Variants in TOP1MT observed in about 807,000 individuals in gnomAD.
TOP1MT encodes DNA topoisomerase I, mitochondrial.
A neutral mutation model predicts 73.9 loss-of-function variants in TOP1MT; 80 were observed. That is an observed-to-expected ratio of 1.08 (90% CI 0.90 to 1.30). TOP1MT has a LOEUF of 1.30. Among genes scored for constraint, TOP1MT ranks in the 50% most tolerant of loss-of-function variants. The probability of loss-of-function intolerance (pLI) is 0.00; values close to 1 mark genes in which losing one functional copy is unlikely to be tolerated. For synonymous variants in TOP1MT, 338 were observed against 326.4 expected (o/e 1.04, Z -0.38); for missense variants, 815 against 808.0 (o/e 1.01, Z -0.10).
In TOP1MT at chr8:143,331,214, G is replaced by T; in HGVS notation, c.238+10C>A. 6.3e-7 allele frequency: 1 copy of T among 1,590,622 alleles called. No homozygotes were observed. The highest frequency in any genetic ancestry group is 8.6e-7 in the Non-Finnish European group (1 of 1,162,450). On this transcript the variant is annotated intron_variant, in intron 2 of 13. Transcript: ENST00000329245. Reference sequence around the variant, plus strand: ...GCAGGCTGGGGAGGAGCCGCTCCCTGCATCCTTACCTTCATAGAAGAAACG... The same window carrying T: ...GCAGGCTGGGGAGGAGCCGCTCCCTTCATCCTTACCTTCATAGAAGAAACG...
At chr8:143,335,248 G>A (rs143185763), upstream of TOP1MT, among the ~76,000 whole-genome samples, 1 of 152,302 alleles carries the variant, frequency 6.6e-6, no homozygotes, top group Non-Finnish European at 1.5e-5. Flanking sequence ...GCACCTAGCA[G>A]GTCCTTCCTA....
chr8:143,346,107 C>T (rs1817217327), upstream of TOP1MT, among the ~76,000 whole-genome samples: 1 of 152,100 alleles, frequency 6.6e-6, no homozygotes, highest in African/African-American at 2.4e-5. Context: ...AAGTTCACTT[C>T]TCACAAAGTG....
intron 12 of TOP1MT, among the ~76,000 whole-genome samples, chr8:143,311,638 C>A (rs1816017100): frequency 1.3e-5 from 2 of 151,960 alleles, no homozygotes; most frequent in South Asian, 2.1e-4. Flanking sequence ...CCCAGCTACT[C>A]AGGAGGCTGA....
upstream of TOP1MT, among the ~76,000 whole-genome samples, chr8:143,357,227 T>C (rs1167585978): frequency 1.3e-5 from 2 of 150,770 alleles, no homozygotes; most frequent in African/African-American, 4.9e-5. Context: ...CATAGGGAGA[T>C]AGGGAGATCC....
chr8:143,336,348 A>G (rs539956678), upstream of TOP1MT, among the ~76,000 whole-genome samples: 14 of 152,252 alleles, frequency 9.2e-5, no homozygotes, highest in African/African-American at 3.1e-4. Context: ...AGATTTCTCA[A>G]TAGATGCAGA....
At chr8:143,313,507 G>A (rs1487044957) in intron 12 of TOP1MT, among the ~76,000 whole-genome samples, 8 of 139,038 alleles carry the variant, frequency 5.8e-5, no homozygotes, top group Non-Finnish European at 1.2e-4. Flanking sequence ...CCAAGATCAC[G>A]CCACTGCACT....
At chr8:143,345,843 C>G (rs539005833), upstream of TOP1MT, among the ~76,000 whole-genome samples, 4 of 152,324 alleles carry the variant, frequency 2.6e-5, no homozygotes, top group South Asian at 8.3e-4. Context: ...TCAAACAAAC[C>G]GTTATCTAAC....
upstream of TOP1MT, among the ~76,000 whole-genome samples, chr8:143,335,970 C>T (rs1399746034): frequency 6.6e-6 from 1 of 152,180 alleles, no homozygotes; most frequent in Non-Finnish European, 1.5e-5. Flanking sequence ...GCTGAAGGTA[C>T]ACACACACCA....
At chr8:143,326,150 A>G in intron 4 of TOP1MT, 72 bp downstream of exon 4, 1 of 1,572,104 alleles carries the variant, frequency 6.4e-7, no homozygotes, top group South Asian at 1.1e-5. Flanking sequence ...GGCCTTTCTC[A>G]GTCTTTGGGC....
upstream of TOP1MT, among the ~76,000 whole-genome samples, chr8:143,349,309 C>T (rs1208708826): frequency 2.1e-5 from 3 of 139,596 alleles, no homozygotes; most frequent in Admixed American, 1.4e-4. Context: ...GCCCCCCTCC[C>T]ACCCCCCTGC....
chr8:143,324,202 G>T, intron 6 of TOP1MT, 60 bp from the exon 7 acceptor site: 1 of 1,592,894 alleles, frequency 6.3e-7, no homozygotes. Flanking sequence ...AACGGAGGAG[G>T]CTGTCAACTC....
chr8:143,349,852 G>T (rs2450748), upstream of TOP1MT, among the ~76,000 whole-genome samples: 4,133 of 152,208 alleles, frequency 0.027, 214 homozygotes, highest in African/African-American at 0.094. Flanking sequence ...TGTTGGCCAG[G>T]CTGGTCTCGA....
upstream of TOP1MT, chr8:143,359,432 A>T (rs920903279): frequency 4.1e-6 from 4 of 985,152 alleles, no homozygotes; most frequent in Non-Finnish European, 3.6e-6. Context: ...GCGGAATCCC[A>T]TCAGCGACGG....
At chr8:143,314,117 G>A (rs927445142) in intron 12 of TOP1MT, among the ~76,000 whole-genome samples, 5 of 152,038 alleles carry the variant, frequency 3.3e-5, no homozygotes, top group South Asian at 2.1e-4. Context: ...CAGAGGAATC[G>A]GAGCCCTCAC....
chr8:143,346,493 A>AG (rs1289200385), upstream of TOP1MT, among the ~76,000 whole-genome samples: 1 of 152,196 alleles, frequency 6.6e-6, no homozygotes, highest in South Asian at 2.1e-4. Flanking sequence ...AGAATAAGAA[A>AG]GGGGGCTGTG....
intron 1 of TOP1MT, among the ~76,000 whole-genome samples, chr8:143,333,106 G>A (rs897713414): frequency 6.6e-5 from 10 of 152,036 alleles, no homozygotes; most frequent in African/African-American, 2.4e-4. Context: ...AAGGGAAGAT[G>A]GATCATGTCG....
chr8:143,343,147 T>C, intron 2 of TOP1MT: 3 of 455,860 alleles, frequency 6.6e-6, no homozygotes, highest in South Asian at 1.5e-5. Context: ...TAAGCATTCA[T>C]CAGGCATGAG....
chr8:143,330,338 G>A (rs954931572), intron 2 of TOP1MT, among the ~76,000 whole-genome samples: 7 of 152,308 alleles, frequency 4.6e-5, no homozygotes, highest in African/African-American at 1.4e-4. Flanking sequence ...GCTGCTGTGG[G>A]GCAGGCGAGG....
upstream of TOP1MT, among the ~76,000 whole-genome samples, chr8:143,356,239 C>A (rs1272293791): frequency 1.3e-5 from 2 of 152,186 alleles, no homozygotes; most frequent in African/African-American, 4.8e-5. Flanking sequence ...ACAGTTCAAC[C>A]AAAGCCTGGC....
Sources: gnomAD v4.1 joint callset for allele counts (sites outside exome capture counted in the v4.1 genomes callset) on GRCh38, gnomAD v4.1.1 for gene constraint, MANE v1.5 for transcripts, NCBI Gene and HGNC (gene_info 2026-07-23, HGNC 2026-07-21) for gene names.